The following ZDHHC18 variants were observed in gnomAD, a reference collection of about 807,000 sequenced individuals.
ZDHHC18 encodes zDHHC palmitoyltransferase 18.
Under a neutral mutation model 37.5 loss-of-function variants are expected in ZDHHC18, and 23 were observed. The ratio of observed to expected loss-of-function variants is 0.61; its 90% CI spans 0.44 to 0.87. ZDHHC18 has a LOEUF of 0.87. Among genes scored for constraint, ZDHHC18 ranks in the 40% least tolerant of loss-of-function variants. The pLI is 0.00. For synonymous variants in ZDHHC18, 185 were observed against 218.7 expected (o/e 0.85, Z 1.36); for missense variants, 406 against 525.6 (o/e 0.77, Z 2.22).
intron 2 of ZDHHC18, among the ~76,000 whole-genome samples, chr1:26,841,192 C>T (rs188000019): frequency 3.9e-5 from 6 of 152,290 alleles, no homozygotes; most frequent in Non-Finnish European, 8.8e-5. Context: ...TAAGGCTGGT[C>T]TCGAACTCCT....
intron 2 of ZDHHC18, among the ~76,000 whole-genome samples, chr1:26,835,545 A>C (rs2081607495): frequency 6.6e-6 from 1 of 152,280 alleles, no homozygotes; most frequent in African/African-American, 2.4e-5. Flanking sequence ...TAGTAAAAAT[A>C]CAAAAATTAG....
intron 2 of ZDHHC18, among the ~76,000 whole-genome samples, chr1:26,839,611 T>A (rs545104992): frequency 6.6e-6 from 1 of 152,318 alleles, no homozygotes; most frequent in African/African-American, 2.4e-5. Flanking sequence ...TGCTTTCCCA[T>A]CTGTAACTCA....
chr1:26,856,194 T>C lies in ZDHHC18; in HGVS notation c.*2351T>C. ...CTGGTATCTCCCTCAGGAGGACACCTGTCAGGATTTTGCCATCTCCTGCAC... is the reference window on the plus strand; with the variant it reads ...CTGGTATCTCCCTCAGGAGGACACCCGTCAGGATTTTGCCATCTCCTGCAC... On this transcript the variant is annotated 3_prime_UTR_variant, in exon 8 of 8. Coordinates refer to ENST00000374142, the MANE Select transcript of ZDHHC18 (RefSeq NM_032283.3). The surrounding 1 kb of genome is among the most constrained non-coding windows in gnomAD (Gnocchi z 5.2). The C allele has an allele frequency of 2.2e-6, 1 of 454,764 alleles. No individual in the cohort carries two copies. The highest frequency in any genetic ancestry group is 4.4e-6 in the Non-Finnish European group (1 of 225,656). The allele number at this position is 454,764 out of a possible 1,614,324, so 28.2% of individuals were successfully genotyped here.
chr1:26,857,446 C>G lies in ZDHHC18; in HGVS notation c.*3603C>G, dbSNP rs929994404. The G allele has an allele frequency of 1.3e-5, 2 of 152,210 alleles. No homozygotes were observed. The highest frequency in any genetic ancestry group is 4.8e-5 in the African/African-American group (2 of 41,428). 9.4% of individuals were successfully genotyped at this position (152,210 alleles called of 1,614,324 possible). On this transcript the variant is annotated 3_prime_UTR_variant, in exon 8 of 8. Transcript: ENST00000374142. ...TCCTTTGCTCTAGGCACTGAGGGACCAAGCTAGCCGTGCACAGCCCCATAC... is the reference window on the plus strand; with the variant it reads ...TCCTTTGCTCTAGGCACTGAGGGACGAAGCTAGCCGTGCACAGCCCCATAC...
intron 2 of ZDHHC18, among the ~76,000 whole-genome samples, chr1:26,839,952 C>T (rs918439383): frequency 2.0e-5 from 3 of 152,208 alleles, no homozygotes; most frequent in Non-Finnish European, 2.9e-5. Flanking sequence ...CCAACTCTGG[C>T]GACTTTGATT....
At chr1:26,836,735 A>ATT (rs1221409695) in intron 2 of ZDHHC18, among the ~76,000 whole-genome samples, 1 of 148,178 alleles carries the variant, frequency 6.7e-6, no homozygotes, top group Non-Finnish European at 1.5e-5. Flanking sequence ...CGCCCAGCTA[A>ATT]TTTTTCGTAT....
In ZDHHC18 at chr1:26,855,261, G is replaced by A. The variant is rs1328119881; in HGVS notation, c.*1418G>A. ...CCCAGTGCCAGGAGCTGGAAGACAAGGTGTTTCTGCCAAACGGGGACCTCC... is the reference window on the plus strand; with the variant it reads ...CCCAGTGCCAGGAGCTGGAAGACAAAGTGTTTCTGCCAAACGGGGACCTCC... On this transcript the variant is annotated 3_prime_UTR_variant, in exon 8 of 8. Coordinates refer to ENST00000374142, the MANE Select transcript of ZDHHC18 (RefSeq NM_032283.3). The A allele has an allele frequency of 1.3e-5, 2 of 152,354 alleles. No homozygotes were observed. The highest frequency in any genetic ancestry group is 4.8e-5 in the African/African-American group (2 of 41,464). The allele number at this position is 152,354 out of a possible 1,614,324, so 9.4% of individuals were successfully genotyped here. A position where few individuals can be genotyped will look rare whatever the true frequency, so the allele number is the denominator to read the frequency against.
Position 26,854,113 on chromosome 1 carries a change from A to G in ZDHHC18, c.*270A>G. 2.2e-6 allele frequency: 1 copy of G among 447,514 alleles called. No homozygotes were observed. Among genetic ancestry groups the G allele is most frequent in the Non-Finnish European group, 4.1e-6 (1 of 244,076 alleles). The allele number at this position is 447,514 out of a possible 1,614,324, so 27.7% of individuals were successfully genotyped here. On this transcript the variant is annotated 3_prime_UTR_variant, in exon 8 of 8. Coordinates refer to ENST00000374142, the MANE Select transcript of ZDHHC18 (RefSeq NM_032283.3). This position sits in a 1 kb window ranked among gnomAD's most constrained non-coding sequence, Gnocchi z 4.6. ...CTCTGGAGGCTACCCAGGGGACCAC[A>G]CCAAGTCCTTGCCTGTGCCGGGCGA... is the stretch of plus-strand genomic sequence containing the variant.
At chr1:26,846,272 A>ATGTGTGTGTGTGTGTGTGTGTG (rs1233342256) in intron 2 of ZDHHC18, among the ~76,000 whole-genome samples, 1 of 84,932 alleles carries the variant, frequency 1.2e-5, no homozygotes, top group African/African-American at 4.9e-5. Context: ...ATAGAGATAT[A>ATGTGTGTGTGTGTGTGTGTGTG]TGTGTGTGTG....
chr1:26,832,018 T>C (rs1171024972), intron 1 of ZDHHC18: 2 of 157,208 alleles, frequency 1.3e-5, no homozygotes, highest in East Asian at 1.9e-4. Flanking sequence ...TTCCTGCTGC[T>C]TATTGAAGGT....
chr1:26,832,525 C>T lies in ZDHHC18; in HGVS notation c.414C>T (p.Cys138=). 3 of 1,614,200 alleles carry T rather than the reference C, an allele frequency of 1.9e-6. No individual in the cohort carries two copies. Among genetic ancestry groups the T allele is most frequent in the Non-Finnish European group, 2.5e-6 (3 of 1,180,034 alleles). ...TCCTCTTCTTCTTCGTCATGAGCTG[C>T]CTGCTGCAGACAAGCTTCACCGACC... ...AAILFFFVMS[C]LLQTSFTDPG... The change falls in exon 2 of 8, where the codon TGC becomes TGT. Residue 138 remains cysteine, a synonymous_variant. Transcript: ENST00000374142.
rs1570675899 is a variant in ZDHHC18, at chr1:26,850,994, G to A, written c.834-135G>A. The A allele has an allele frequency of 1.2e-6, 1 of 800,472 alleles. No homozygotes were observed. Among genetic ancestry groups the A allele is most frequent in the East Asian group, 2.6e-5 (1 of 38,548 alleles). The allele number at this position is 800,472 out of a possible 1,614,324, so 49.6% of individuals were successfully genotyped here. A position where few individuals can be genotyped will look rare whatever the true frequency, so the allele number is the denominator to read the frequency against. ...GGAGGTGATCCTGCTAAGAAGTGGGGACTGGGCCACAGGAAGGTTCCAAAA... is the reference window on the plus strand; with the variant it reads ...GGAGGTGATCCTGCTAAGAAGTGGGAACTGGGCCACAGGAAGGTTCCAAAA... On this transcript the variant is annotated intron_variant, in intron 5 of 7. Coordinates refer to ENST00000374142, the MANE Select transcript of ZDHHC18 (RefSeq NM_032283.3). This position sits in a 1 kb window ranked among gnomAD's most constrained non-coding sequence, Gnocchi z 6.1.
At chr1:26,827,257 C>T in intron 1 of ZDHHC18, 118 bp downstream of exon 1, 1 of 885,640 alleles carries the variant, frequency 1.1e-6, no homozygotes. Flanking sequence ...TCCTCCCCGC[C>T]CCTTTGGGAT....
chr1:26,849,476 AC>A lies in ZDHHC18; in HGVS notation c.646+726del, dbSNP rs912474630. ...CCTAAGCAAGAGAACAGCAGGGAAC[AC>A]CCCCCCGTGACGGCATGCAGTGAAG... On this transcript the variant is annotated intron_variant, in intron 3 of 7. Transcript: ENST00000374142. Among the ~76,000 whole-genome samples the A allele has an allele frequency of 2.6e-5, 4 of 151,820 alleles. No homozygotes were observed. In the East Asian group the frequency reaches 5.8e-4, roughly 22 times the overall value.
At chr1:26,848,793 C>T (rs1297600265) in intron 3 of ZDHHC18, 36 bp downstream of exon 3, 1 of 1,595,166 alleles carries the variant, frequency 6.3e-7, no homozygotes, top group East Asian at 2.3e-5. Flanking sequence ...TGCAGGGATT[C>T]CTGAGAGAGA....
rs769674299 is a variant in ZDHHC18 at position 26,852,816 on chromosome 1, A to G, written c.1000A>G (p.Ser334Gly). The change falls in exon 7 of 8, where the codon AGT (serine) becomes GGT (glycine). Residue 334 changes from serine to glycine, a missense_variant. Transcript: ENST00000374142. ...CTCTGTCAACCCCTACAGCCATAAA[A>G]GTATTATCACCAACTGCTGTGCTGT... Reference protein sequence around the residue: ...EASVNPYSHKSIITNCCAVLC... With the variant: ...EASVNPYSHKGIITNCCAVLC... 1 of 1,614,106 alleles carries G rather than the reference A, an allele frequency of 6.2e-7. No homozygotes were observed. The highest frequency in any genetic ancestry group is 8.5e-7 in the Non-Finnish European group (1 of 1,179,990).
chr1:26,834,298 A>T (rs978570516), intron 2 of ZDHHC18, among the ~76,000 whole-genome samples: 5 of 152,288 alleles, frequency 3.3e-5, no homozygotes, highest in Non-Finnish European at 7.4e-5. Context: ...TATTATCCCC[A>T]CAAATCTTCA....
At chr1:26,852,601 A>G (rs1351700184) in intron 6 of ZDHHC18, 152 bp from the exon 7 acceptor site, 1 of 632,844 alleles carries the variant, frequency 1.6e-6, no homozygotes, top group East Asian at 2.8e-5. Flanking sequence ...GGTCCCCCAC[A>G]TTCTCATTGA....
In ZDHHC18 at chr1:26,832,094, T is replaced by G. The variant is rs187209717; in HGVS notation, c.336-353T>G. The G allele has an allele frequency of 1.4e-4, 28 of 197,818 alleles. 1 individual carries two copies. The East Asian group carries it at 3.4e-3, about 24-fold the overall frequency. 12.3% of individuals were successfully genotyped at this position (197,818 alleles called of 1,614,324 possible). A position where few individuals can be genotyped will look rare whatever the true frequency, so the allele number is the denominator to read the frequency against. ...CTGAGTGAGTGAATGAATGAGTGAA[T>G]GAACACTGCAGGATGGTTTGTCTCA... On this transcript the variant is annotated intron_variant, in intron 1 of 7. Transcript: ENST00000374142.
Sources: gnomAD v4.1 joint callset for allele counts (sites outside exome capture counted in the v4.1 genomes callset) on GRCh38, gnomAD v4.1.1 for gene constraint, Gnocchi (gnomAD v3.1) non-coding constraint, MANE v1.5 for transcripts, NCBI Gene and HGNC (gene_info 2026-07-23, HGNC 2026-07-21) for gene names.